The following KANSL1L variants were observed in gnomAD, a reference collection of about 807,000 sequenced individuals.
KANSL1L encodes the protein KAT8 regulatory NSL complex subunit 1-like protein.
A neutral mutation model predicts 108.6 loss-of-function variants in KANSL1L; 25 were observed. The observed-to-expected ratio is 0.23, with a 90% CI of 0.17 to 0.32. The LOEUF (loss-of-function observed/expected upper bound fraction) is 0.32. Ranked by LOEUF, KANSL1L falls within the 10% of genes least tolerant of loss-of-function variation. KANSL1L has a pLI of 1.00. For missense variants in KANSL1L, 1,137 were observed against 1,125.7 expected (o/e 1.01, Z -0.14); for synonymous variants, 405 against 395.1 (o/e 1.03, Z -0.30).
intron 3 of KANSL1L, among the ~76,000 whole-genome samples, chr2:210,108,669 G>A (rs1362664229): frequency 6.6e-6 from 1 of 150,930 alleles, no homozygotes; most frequent in Admixed American, 6.6e-5. Context: ...AAAGAGGAGA[G>A]ATTATGCGGT....
At chr2:210,049,646 A>G (rs958510318) in intron 6 of KANSL1L, among the ~76,000 whole-genome samples, 1 of 152,170 alleles carries the variant, frequency 6.6e-6, no homozygotes, top group South Asian at 2.1e-4. Flanking sequence ...CTGCCATACT[A>G]TAGTAGGAAA....
rs764300412 is a variant in KANSL1L, at chr2:210,027,337, C to A, written c.2410G>T (p.Val804Phe). ...EILTPSWRMV[V>F]LQPLDEYNLG... ...TTATATTCATCCAAAGGCTGAAGAA[C>A]AACCATCCTCCAGCTGTTGAAGATA... The change falls in exon 12 of 15, where the codon GTT (valine) becomes TTT (phenylalanine). Residue 804 changes from valine to phenylalanine, a missense_variant. Around this residue, in one of 3 missense-constraint regions of KANSL1L, gnomAD observed 575 missense variants for 567.1 expected, o/e 1.01. Coordinates refer to ENST00000281772, the MANE Select transcript of KANSL1L (RefSeq NM_152519.4). 6.2e-7 allele frequency: 1 copy of A among 1,612,664 alleles called. No individual in the cohort carries two copies. Among genetic ancestry groups the A allele is most frequent in the Non-Finnish European group, 8.5e-7 (1 of 1,178,830 alleles).
intron 8 of KANSL1L, among the ~76,000 whole-genome samples, chr2:210,034,106 A>G (rs1242190916): frequency 6.6e-6 from 1 of 152,070 alleles, no homozygotes; most frequent in Non-Finnish European, 1.5e-5. Context: ...CCTTTTATTC[A>G]TCCAACAACA....
intron 6 of KANSL1L, among the ~76,000 whole-genome samples, chr2:210,073,975 A>G (rs2094525341): frequency 6.6e-6 from 1 of 152,204 alleles, no homozygotes; most frequent in Admixed American, 6.5e-5. Context: ...AAAACATAAC[A>G]CACTTTTTTC....
At chr2:210,169,308 C>T (rs906774410) in intron 1 of KANSL1L, among the ~76,000 whole-genome samples, 1 of 152,020 alleles carries the variant, frequency 6.6e-6, no homozygotes, top group Non-Finnish European at 1.5e-5. Context: ...TACGTGCCAA[C>T]AGAAAAAATT....
chr2:210,050,791 G>C (rs1354652222), intron 6 of KANSL1L, among the ~76,000 whole-genome samples: 1 of 152,056 alleles, frequency 6.6e-6, no homozygotes, highest in African/African-American at 2.4e-5. Flanking sequence ...TTGAGCCCAG[G>C]AGGTTGGGGC....
chr2:210,030,499 C>CTTT (rs34540957), intron 9 of KANSL1L, among the ~76,000 whole-genome samples: 11 of 118,170 alleles, frequency 9.3e-5, no homozygotes, highest in South Asian at 2.7e-4. Context: ...CTTCCAAGTT[C>CTTT]TTTTTTTTTT....
chr2:210,094,380 T>A lies in KANSL1L; in HGVS notation c.1550+3706A>T, dbSNP rs2094718128. On this transcript the variant is annotated intron_variant, in intron 5 of 14. Transcript: ENST00000281772. ...TTTAAGTGTCAAGTCTGAAATACCA[T>A]TAAATAGACTAAGCCCTTACTCCTA... Among the ~76,000 whole-genome samples, 4 of 152,076 alleles carry A rather than the reference T, an allele frequency of 2.6e-5. No homozygotes were observed. In the South Asian group the frequency reaches 8.3e-4, roughly 31 times the overall value.
At chr2:210,127,293 ACAAAACGGAT>A (rs2095075063) in intron 3 of KANSL1L, among the ~76,000 whole-genome samples, 1 of 152,152 alleles carries the variant, frequency 6.6e-6, no homozygotes, top group Non-Finnish European at 1.5e-5. Flanking sequence ...AAAAATTAAC[ACAAAACGGAT>A]CAAAGCTCTC....
chr2:210,048,408 C>G (rs953297288), intron 6 of KANSL1L, among the ~76,000 whole-genome samples: 1 of 151,934 alleles, frequency 6.6e-6, no homozygotes, highest in African/African-American at 2.4e-5. Flanking sequence ...GATCTTTCAA[C>G]GCAATTCTGT....
chr2:210,053,284 G>A (rs899946083), intron 6 of KANSL1L, among the ~76,000 whole-genome samples: 4 of 152,054 alleles, frequency 2.6e-5, no homozygotes, highest in Non-Finnish European at 5.9e-5. Flanking sequence ...GTAATATTGG[G>A]CAATAAAATA....
chr2:210,162,123 T>C (rs1045448668), intron 1 of KANSL1L, among the ~76,000 whole-genome samples: 1 of 147,622 alleles, frequency 6.8e-6, no homozygotes, highest in African/African-American at 2.5e-5. Flanking sequence ...CCAAAACTAA[T>C]TGGACGTATC....
Position 210,037,126 on chromosome 2 carries a change from A to G in KANSL1L, c.2029+3294T>C, listed in dbSNP as rs1210383607. ...ATATAATTATCTAATCTCTAATAGC[A>G]TATATTTTCATATTTGCATACTCTT... On this transcript the variant is annotated intron_variant, in intron 8 of 14. Transcript: ENST00000281772. Among the ~76,000 whole-genome samples, 3 of 152,138 alleles carry G rather than the reference A, an allele frequency of 2.0e-5. No individual in the cohort carries two copies. In the East Asian group the frequency reaches 5.8e-4, roughly 29 times the overall value.
intron 5 of KANSL1L, among the ~76,000 whole-genome samples, chr2:210,092,777 C>T (rs1266232448): frequency 6.6e-6 from 1 of 152,174 alleles, no homozygotes; most frequent in Non-Finnish European, 1.5e-5. Flanking sequence ...AAAAAGGTGC[C>T]TTCCTCCAGA....
At position 210,154,106 on chromosome 2, in the gene KANSL1L, T is replaced by C. The variant is rs372038967; in HGVS notation, c.477A>G (p.Lys159=). Residue 159 remains lysine, a synonymous_variant, in exon 2 of 15, where the codon AAA becomes AAG. Transcript: ENST00000281772. Reference sequence around the variant, plus strand: ...GTTGTACTTTATCTACATTAGTGTCTTTGGTTATATTTGAATCCAGAATAA... The same window carrying C: ...GTTGTACTTTATCTACATTAGTGTCCTTGGTTATATTTGAATCCAGAATAA... ...VQIILDSNIT[K]DTNVDKVQLQ... 264 of 1,613,892 alleles carry C rather than the reference T, an allele frequency of 1.6e-4. No individual in the cohort carries two copies. Among genetic ancestry groups the C allele is most frequent in the Non-Finnish European group, 2.1e-4 (244 of 1,179,944 alleles).
intron 11 of KANSL1L, among the ~76,000 whole-genome samples, chr2:210,028,015 T>C (rs78711735): frequency 6.6e-6 from 1 of 152,312 alleles, no homozygotes; most frequent in East Asian, 1.9e-4. Flanking sequence ...CACCCACCTG[T>C]CTCTGTTTGC....
rs575627101 is a variant in KANSL1L, at chr2:210,027,430, A to G, written c.2397-80T>C. 41 of 888,278 alleles carry G rather than the reference A, an allele frequency of 4.6e-5. No homozygotes were observed. The East Asian group carries it at 6.1e-4, about 13-fold the overall frequency. 55.0% of individuals were successfully genotyped at this position (888,278 alleles called of 1,614,324 possible). A position where few individuals can be genotyped will look rare whatever the true frequency, so the allele number is the denominator to read the frequency against. On this transcript the variant is annotated intron_variant, in intron 11 of 14. Coordinates refer to ENST00000281772, the MANE Select transcript of KANSL1L (RefSeq NM_152519.4). ...TTTTATACTCAGCACAGCTAAATGTATTAGTGTTTCCTTGGCACTTCCATG... is the reference window on the plus strand; with the variant it reads ...TTTTATACTCAGCACAGCTAAATGTGTTAGTGTTTCCTTGGCACTTCCATG...
chr2:210,106,227 C>T (rs920493268), intron 3 of KANSL1L, among the ~76,000 whole-genome samples: 3 of 152,134 alleles, frequency 2.0e-5, no homozygotes, highest in Non-Finnish European at 2.9e-5. Context: ...ACAAGTTCCA[C>T]CTTATCAATT....
intron 11 of KANSL1L, chr2:210,028,364 T>C (rs1356153665): frequency 6.6e-6 from 1 of 152,548 alleles, no homozygotes; most frequent in African/African-American, 2.4e-5. Context: ...CACTCATCTT[T>C]TGAATGTGTT....
Sources: allele counts gnomAD v4.1 joint callset (sites outside exome capture counted in the v4.1 genomes callset), GRCh38; gene constraint gnomAD v4.1.1; regional missense constraint gnomAD v4.1.1; transcripts MANE v1.5; gene names NCBI Gene and HGNC (gene_info 2026-07-23, HGNC 2026-07-21).